Variants in CSMD3 observed in about 807,000 individuals in gnomAD.
CSMD3 encodes the protein CUB and sushi domain-containing protein 3.
In CSMD3, 177 loss-of-function variants were observed where a neutral mutation model predicts 435.2. The observed-to-expected ratio is 0.41, with a 90% CI of 0.36 to 0.46. The LOEUF is 0.46. Among genes scored for constraint, CSMD3 ranks in the 20% least tolerant of loss-of-function variants. The probability of loss-of-function intolerance (pLI) is 0.34; values close to 1 mark genes in which losing one functional copy is unlikely to be tolerated. For synonymous variants in CSMD3, 1,656 were observed against 1,520.5 expected (o/e 1.09, Z -2.07); for missense variants, 4,265 against 4,504.6 (o/e 0.95, Z 1.52).
chr8:112,297,454 C>T (rs1820423040), intron 53 of CSMD3, among the ~76,000 whole-genome samples: 1 of 151,718 alleles, frequency 6.6e-6, no homozygotes, highest in African/African-American at 2.4e-5. Context: ...GTAATTTTGA[C>T]ATAATAAAAG....
intron 22 of CSMD3, among the ~76,000 whole-genome samples, chr8:112,607,734 A>G (rs562244244): frequency 6.6e-6 from 1 of 152,312 alleles, no homozygotes; most frequent in South Asian, 2.1e-4. Context: ...TAGATGCAGA[A>G]AAATCACTTG....
At chr8:113,153,134 G>GAAAGA (rs1564370995) in intron 4 of CSMD3, among the ~76,000 whole-genome samples, 43 of 94,074 alleles carry the variant, frequency 4.6e-4, no homozygotes, top group Admixed American at 3.1e-3. Context: ...AGAGAAAGAA[G>GAAAGA]GAAGGAAGGA....
In CSMD3 at chr8:112,358,072, C is replaced by T. The variant is rs373044301; in HGVS notation, c.6137-5538G>A. Among the ~76,000 whole-genome samples, 7 of 152,136 alleles carry T rather than the reference C, an allele frequency of 4.6e-5. No individual in the cohort carries two copies. The East Asian group carries it at 9.7e-4, about 21-fold the overall frequency. ...GAGGGTGGAGCTTCCTAAGAGGGAA[C>T]CTACCTCTTACATCAGGATGACCTG... On this transcript the variant is annotated intron_variant, in intron 38 of 70. Transcript: ENST00000297405.
At chr8:112,644,239 A>G (rs1195790752) in intron 20 of CSMD3, among the ~76,000 whole-genome samples, 7 of 151,868 alleles carry the variant, frequency 4.6e-5, no homozygotes, top group Non-Finnish European at 4.4e-5. Flanking sequence ...GATAAATTAC[A>G]CTGTATCTTG....
At chr8:113,220,150 T>C (rs2132124532) in intron 3 of CSMD3, among the ~76,000 whole-genome samples, 1 of 151,544 alleles carries the variant, frequency 6.6e-6, no homozygotes, top group African/African-American at 2.4e-5. Flanking sequence ...ACAGGCACTC[T>C]TACAAACTGC....
rs978906679 is a variant in CSMD3 at position 112,761,246 on chromosome 8, TA to T, written c.1972+38915del. 3.3e-5 allele frequency among the ~76,000 whole-genome samples: 5 copies of T among 152,088 alleles called. No individual in the cohort carries two copies. The East Asian group carries it at 7.7e-4, about 23-fold the overall frequency. ...ACTGAACAGTAATATCTCTATCATTTAAAAAAAGGGAAACCACCAATGGAAT... is the reference window on the plus strand; with the variant it reads ...ACTGAACAGTAATATCTCTATCATTTAAAAAAGGGAAACCACCAATGGAAT... On this transcript the variant is annotated intron_variant, in intron 13 of 70. Coordinates refer to ENST00000297405, the MANE Select transcript of CSMD3 (RefSeq NM_198123.2).
chr8:112,408,769 T>C (rs1405226495), intron 33 of CSMD3, 150 bp downstream of exon 33: 9 of 1,287,368 alleles, frequency 7.0e-6, no homozygotes, highest in Non-Finnish European at 7.5e-6. Flanking sequence ...GTTAATTTTG[T>C]TTCTATTCTT....
At chr8:112,714,265 G>A (rs2076675089) in intron 13 of CSMD3, among the ~76,000 whole-genome samples, 3 of 151,744 alleles carry the variant, frequency 2.0e-5, no homozygotes, top group Admixed American at 2.0e-4. Flanking sequence ...AAAAAAGCAG[G>A]GGTTGCAATG....
At chr8:112,612,956 G>A (rs1013323902) in intron 22 of CSMD3, among the ~76,000 whole-genome samples, 7 of 151,172 alleles carry the variant, frequency 4.6e-5, no homozygotes, top group Admixed American at 1.3e-4. Flanking sequence ...TGGTTGAAGG[G>A]GTGGTCTGAG....
At chr8:113,088,640 CA>C (rs2089891693) in intron 5 of CSMD3, among the ~76,000 whole-genome samples, 1 of 144,824 alleles carries the variant, frequency 6.9e-6, no homozygotes, top group African/African-American at 2.6e-5. Context: ...TGTTCTCACT[CA>C]TAGGTGGGAA....
Position 112,641,566 on chromosome 8 carries a change from G to A in CSMD3, c.3311-2655C>T, listed in dbSNP as rs539408045. 1.7e-3 allele frequency among the ~76,000 whole-genome samples: 266 copies of A among 152,268 alleles called. 3 individuals are homozygous for A. Among genetic ancestry groups the A allele is most frequent in the Middle Eastern group, 3.4e-3 (1 of 294 alleles). On this transcript the variant is annotated intron_variant, in intron 20 of 70. Transcript: ENST00000297405. ...CAAATGTAATGACAATCCAGGTCTG[G>A]TGGCTCACACCTGTAATCCCAGCAC...
At chr8:112,831,938 C>G (rs2079887461) in intron 11 of CSMD3, among the ~76,000 whole-genome samples, 1 of 152,086 alleles carries the variant, frequency 6.6e-6, no homozygotes, top group Non-Finnish European at 1.5e-5. Flanking sequence ...TAGTTGAGAT[C>G]AGCTTTATAT....
chr8:112,364,004 CAA>C (rs1827511384), intron 38 of CSMD3, among the ~76,000 whole-genome samples: 1 of 151,698 alleles, frequency 6.6e-6, no homozygotes, highest in Admixed American at 6.6e-5. Context: ...CTGTTTTTCC[CAA>C]ATAATCAATT....
intron 7 of CSMD3, among the ~76,000 whole-genome samples, chr8:112,970,236 A>C (rs140346492): frequency 6.6e-6 from 1 of 151,996 alleles, no homozygotes. Context: ...TAAATTCCTA[A>C]GGCTGTAATA....
At chr8:112,265,318 A>T (rs1038217642) in intron 60 of CSMD3, 93 bp downstream of exon 60, 11 of 860,966 alleles carry the variant, frequency 1.3e-5, no homozygotes, top group Middle Eastern at 3.7e-4. Context: ...GGAACTAAAA[A>T]ATTTTATTTA....
At chr8:112,834,867 T>C (rs889239996) in intron 11 of CSMD3, among the ~76,000 whole-genome samples, 1 of 151,812 alleles carries the variant, frequency 6.6e-6, no homozygotes, top group African/African-American at 2.4e-5. Flanking sequence ...TAATCATTTG[T>C]GGAGTAAATA....
At position 112,818,662 on chromosome 8, in the gene CSMD3, C is replaced by G. The variant is rs1360219650; in HGVS notation, c.1859+11024G>C. Among the ~76,000 whole-genome samples, 3 of 152,218 alleles carry G rather than the reference C, an allele frequency of 2.0e-5. No individual in the cohort carries two copies. The South Asian group carries it at 6.2e-4, about 32-fold the overall frequency. ...TTTTGAAATGTGGGCAAGATGGGCC[C>G]CTTCTCTGATTCTTCCCCTGTAGAA... On this transcript the variant is annotated intron_variant, in intron 12 of 70. Coordinates refer to ENST00000297405, the MANE Select transcript of CSMD3 (RefSeq NM_198123.2).
intron 12 of CSMD3, among the ~76,000 whole-genome samples, chr8:112,823,920 G>T (rs1475033195): frequency 2.6e-5 from 4 of 152,074 alleles, no homozygotes; most frequent in Non-Finnish European, 5.9e-5. Flanking sequence ...TGACAGTGGG[G>T]TGTTAAAGTC....
chr8:112,380,677 T>C (rs180672237), intron 37 of CSMD3, among the ~76,000 whole-genome samples: 2 of 152,314 alleles, frequency 1.3e-5, no homozygotes, highest in East Asian at 3.9e-4. Flanking sequence ...TTTAGATTGC[T>C]TCCTAAAAAT....
Sources: allele counts gnomAD v4.1 joint callset (sites outside exome capture counted in the v4.1 genomes callset), GRCh38; gene constraint gnomAD v4.1.1; transcripts MANE v1.5; gene names NCBI Gene and HGNC (gene_info 2026-07-23, HGNC 2026-07-21).